The following DRC7 variants were observed in gnomAD, a reference collection of about 807,000 sequenced individuals.
DRC7 encodes the protein dynein regulatory complex subunit 7, also known as coiled-coil domain containing 135.
In DRC7, 80 loss-of-function variants were observed where a neutral mutation model predicts 104.4. That is an observed-to-expected ratio of 0.77 (90% CI 0.64 to 0.92). The LOEUF (loss-of-function observed/expected upper bound fraction) is 0.92. Ranked by LOEUF, DRC7 falls within the 40% of genes least tolerant of loss-of-function variation. The pLI, the probability that DRC7 is intolerant of heterozygous loss-of-function variation, is 0.00. For missense variants in DRC7, 1,034 were observed against 1,141.1 expected, an observed-to-expected ratio of 0.91 and a Z score of 1.35; for synonymous variants, 405 against 447.3, an observed-to-expected ratio of 0.91 and a Z score of 1.19.
intron 17 of DRC7, among the ~76,000 whole-genome samples, chr16:57,729,533 G>GAT: frequency 7.8e-6 from 1 of 127,458 alleles, no homozygotes; most frequent in Non-Finnish European, 1.7e-5. Flanking sequence ...TGGATGGATG[G>GAT]GTGAGTGAGT....
rs150764393 is a variant in DRC7 at position 57,727,374 on chromosome 16, C to T, written c.2161C>T (p.Arg721Trp). 1.6e-4 allele frequency: 253 copies of T among 1,613,266 alleles called. No homozygotes were observed. Among genetic ancestry groups the T allele is most frequent in the African/African-American group, 1.4e-3 (103 of 74,988 alleles). The change falls in exon 16 of 19, where the codon CGG becomes TGG. Residue 721 changes from arginine (R) to tryptophan (W), a missense_variant. Coordinates refer to ENST00000360716, the MANE Select transcript of DRC7 (RefSeq NM_001289162.2). The stretch of plus-strand genomic sequence containing the variant: ...GACCATCTCCATCTATGACACCAAG[C>T]GGAATGAGAAGAGCAAGGAATATCG... ...TLTISIYDTK[R>W]NEKSKEYREA... is the part of the protein sequence containing the mutation.
chr16:57,719,040 C>T (rs1597806726), intron 9 of DRC7, among the ~76,000 whole-genome samples: 3 of 150,844 alleles, frequency 2.0e-5, no homozygotes, highest in Non-Finnish European at 4.4e-5. Context: ...GGGGTCATAA[C>T]ACCCCGCTCT....
chr16:57,709,839 G>A (rs1328315933), intron 8 of DRC7, among the ~76,000 whole-genome samples: 2 of 152,136 alleles, frequency 1.3e-5, no homozygotes, highest in Non-Finnish European at 2.9e-5. Flanking sequence ...ATGCAATCAC[G>A]GCTCACTGCA....
chr16:57,731,713 G>A lies in DRC7; in HGVS notation c.*455G>A, dbSNP rs2049063869. The stretch of plus-strand genomic sequence containing the variant: ...GGCTAAGATGCATGCCCCAGAATTT[G>A]AGGACTGAATCCCAGCTCCTCCTCT... On this transcript the variant is annotated 3_prime_UTR_variant, in exon 19 of 19. Transcript: ENST00000360716. 5.8e-6 allele frequency: 1 copy of A among 171,048 alleles called. No individual in the cohort carries two copies. Among genetic ancestry groups the A allele is most frequent in the Non-Finnish European group, 1.3e-5 (1 of 79,932 alleles). The allele number at this position is 171,048 out of a possible 1,614,324, so 10.6% of individuals were successfully genotyped here. A position where few individuals can be genotyped will look rare whatever the true frequency, so the allele number is the denominator to read the frequency against.
chr16:57,729,108 G>A (rs1365324129), intron 17 of DRC7, among the ~76,000 whole-genome samples: 1 of 150,606 alleles, frequency 6.6e-6, no homozygotes, highest in South Asian at 2.1e-4. Flanking sequence ...ATGAGTGGGT[G>A]GATGGATGAG....
intron 17 of DRC7, among the ~76,000 whole-genome samples, chr16:57,729,978 A>T (rs1356957861): frequency 7.9e-6 from 1 of 126,244 alleles, no homozygotes; most frequent in Non-Finnish European, 1.6e-5. Flanking sequence ...GGGCGAGTGG[A>T]TAGATGGACG....
intron 10 of DRC7, 74 bp downstream of exon 10, chr16:57,721,813 G>A: frequency 9.1e-7 from 1 of 1,098,410 alleles, no homozygotes; most frequent in Non-Finnish European, 1.4e-6. Flanking sequence ...CTGCAACAGC[G>A]AGGCAGGGGG....
At chr16:57,709,975 A>C (rs1166545370) in intron 8 of DRC7, among the ~76,000 whole-genome samples, 1 of 152,120 alleles carries the variant, frequency 6.6e-6, no homozygotes, top group Non-Finnish European at 1.5e-5. Context: ...TGGGTTTTGC[A>C]ATGTTGCCCA....
chr16:57,698,010 G>A lies in DRC7; in HGVS notation c.61G>A (p.Glu21Lys), dbSNP rs147737491. Residue 21 changes from glutamate (E) to lysine (K), a missense_variant, in exon 3 of 19, where the codon GAG becomes AAG. By Grantham distance (56) the Glu-to-Lys change is moderately conservative. Coordinates refer to ENST00000360716, the MANE Select transcript of DRC7 (RefSeq NM_001289162.2). ...EEEAEREEAA[E>K]WAEWARMEKM... ...GGAGGCCGAGCGGGAGGAGGCGGCC[G>A]AGTGGGCTGAATGGGCGAGGATGGA... is the stretch of plus-strand genomic sequence containing the variant. The A allele has an allele frequency of 1.2e-4, 186 of 1,613,730 alleles. No homozygotes were observed. The highest frequency in any genetic ancestry group is 8.5e-4 in the Middle Eastern group (5 of 5,870).
chr16:57,699,102 C>T, intron 4 of DRC7, 78 bp downstream of exon 4: 13 of 1,522,262 alleles, frequency 8.5e-6, no homozygotes, highest in Non-Finnish European at 1.2e-5. Context: ...GGGGCAGGTT[C>T]TCCAAGGTCA....
chr16:57,707,402 G>A, intron 7 of DRC7, 58 bp from the exon 8 acceptor site: 1 of 1,507,508 alleles, frequency 6.6e-7, no homozygotes, highest in Non-Finnish European at 9.0e-7. Flanking sequence ...AGATGTCTGG[G>A]CCCCTGACAC....
intron 5 of DRC7, among the ~76,000 whole-genome samples, chr16:57,700,803 G>A (rs1345947698): frequency 6.6e-6 from 1 of 152,132 alleles, no homozygotes; most frequent in Non-Finnish European, 1.5e-5. Flanking sequence ...CTAGTGCGCA[G>A]GTCCCTCCCC....
At chr16:57,721,622 C>A in intron 9 of DRC7, 45 bp from the exon 10 acceptor site, 1 of 1,471,144 alleles carries the variant, frequency 6.8e-7, no homozygotes, top group Non-Finnish European at 9.5e-7. Flanking sequence ...TCTGCTTCAA[C>A]ACCCTGACCA....
At chr16:57,705,081 A>G (rs2148737750) in intron 7 of DRC7, 47 bp downstream of exon 7, 1 of 1,584,174 alleles carries the variant, frequency 6.3e-7, no homozygotes, top group Non-Finnish European at 8.6e-7. Flanking sequence ...TCGAGAAAGG[A>G]CTGCTAGGGA....
chr16:57,704,739 C>A, intron 6 of DRC7, 137 bp from the exon 7 acceptor site: 1 of 910,654 alleles, frequency 1.1e-6, no homozygotes, highest in Non-Finnish European at 1.6e-6. Flanking sequence ...CATTTAGAGC[C>A]AGAAAGGCCA....
intron 1 of DRC7, 131 bp from the exon 2 acceptor site, chr16:57,696,333 G>A (rs1347680321): frequency 6.6e-6 from 1 of 152,286 alleles, no homozygotes; most frequent in Admixed American, 6.5e-5. Context: ...GGCAGCTTTA[G>A]CCCTCATGTG....
intron 16 of DRC7, among the ~76,000 whole-genome samples, chr16:57,727,831 G>A (rs751999129): frequency 3.3e-5 from 5 of 152,316 alleles, no homozygotes; most frequent in South Asian, 2.1e-4. Context: ...TTTCAGGGCC[G>A]GCTTCTGAAT....
In DRC7 at chr16:57,698,940, A is replaced by C. The variant is rs1164149171; in HGVS notation, c.294A>C (p.Ala98=). The change falls in exon 4 of 19, where the codon GCA becomes GCC. Residue 98 remains alanine, a synonymous_variant. Transcript: ENST00000360716. ...TPKEEHLLQV[A]DNFSRQYSHL... ...AGGAGGAACACCTGCTGCAGGTGGC[A>C]GACAACTTCTCCCGCCAGTACAGCC... is the stretch of plus-strand genomic sequence containing the variant. The C allele has an allele frequency of 3.1e-6, 5 of 1,614,144 alleles. No individual in the cohort carries two copies. The highest frequency in any genetic ancestry group is 4.2e-6 in the Non-Finnish European group (5 of 1,180,016).
At chr16:57,705,185 C>T in intron 7 of DRC7, 151 bp downstream of exon 7, 1 of 903,356 alleles carries the variant, frequency 1.1e-6, no homozygotes, top group Non-Finnish European at 1.6e-6. Flanking sequence ...CCTGGCCCTG[C>T]AGGAATCTCC....
Sources: gnomAD v4.1 joint callset for allele counts (sites outside exome capture counted in the v4.1 genomes callset) on GRCh38, gnomAD v4.1.1 for gene constraint, MANE v1.5 for transcripts, NCBI Gene and HGNC (gene_info 2026-07-23, HGNC 2026-07-21) for gene names.